The following C6orf132 variants were observed in gnomAD, a reference collection of about 807,000 sequenced individuals.
C6orf132 encodes the protein uncharacterized protein C6orf132.
In C6orf132, 43 loss-of-function variants were observed where a neutral mutation model predicts 65.3. The observed-to-expected ratio is 0.66, with a 90% confidence interval of 0.52 to 0.85. C6orf132 has a LOEUF of 0.85. Among genes scored for constraint, C6orf132 ranks in the 40% least tolerant of loss-of-function variants. C6orf132 has a pLI of 0.00. For missense variants in C6orf132, 1,488 were observed against 1,548.8 expected, an observed-to-expected ratio of 0.96 and a Z score of 0.66; for synonymous variants, 631 against 654.1, an observed-to-expected ratio of 0.96 and a Z score of 0.54.
At chr6:42,112,150 TCTAA>T (rs770914868) in intron 2 of C6orf132, among the ~76,000 whole-genome samples, 2 of 152,224 alleles carry the variant, frequency 1.3e-5, no homozygotes, top group Non-Finnish European at 2.9e-5. Context: ...TGCACTGTGC[TCTAA>T]CTAAACACAT....
At position 42,104,004 on chromosome 6, in the gene C6orf132, G is replaced by A; in HGVS notation, c.3450-126C>T. 1.6e-6 allele frequency: 1 copy of A among 642,624 alleles called. No homozygotes were observed. Among genetic ancestry groups the A allele is most frequent in the Admixed American group, 4.2e-5 (1 of 23,746 alleles). The allele number at this position is 642,624 out of a possible 1,614,324, so 39.8% of individuals were successfully genotyped here. ...TTCTGTATTTGCCCCGACAAGCCCT[G>A]GGCTTATCGACCCCAGGGAGGGACC... is the stretch of plus-strand genomic sequence containing the variant. On this transcript the variant is annotated intron_variant, in intron 4 of 4. Transcript: ENST00000341865. The surrounding 1 kb of genome is among the most constrained non-coding windows in gnomAD (Gnocchi z 4.1).
chr6:42,142,565 T>A lies in C6orf132; in HGVS notation c.-121A>T. On this transcript the variant is annotated 5_prime_UTR_variant, in exon 1 of 5. Coordinates refer to ENST00000341865, the MANE Select transcript of C6orf132 (RefSeq NM_001164446.3). ...TACCAGGCCATGTCCCCCGCCGTCC[T>A]CCCCGCCCGCGCACCGGGCAACAGG... 7 of 463,858 alleles carry A rather than the reference T, an allele frequency of 1.5e-5. No homozygotes were observed. The highest frequency in any genetic ancestry group is 2.2e-5 in the Non-Finnish European group (7 of 320,880). 28.7% of individuals were successfully genotyped at this position (463,858 alleles called of 1,614,324 possible).
chr6:42,125,589 G>A (rs753995524), intron 2 of C6orf132, among the ~76,000 whole-genome samples: 8 of 152,174 alleles, frequency 5.3e-5, no homozygotes, highest in Admixed American at 1.3e-4. Context: ...TTCAGCCGTC[G>A]GTTCACCATG....
rs1213599147 is a variant in C6orf132, at chr6:42,107,081, C to T, written c.831G>A (p.Pro277=). The T allele has an allele frequency of 7.5e-6, 11 of 1,468,204 alleles. No homozygotes were observed. The highest frequency in any genetic ancestry group is 1.4e-5 in the African/African-American group (1 of 69,646). The allele number at this position is 1,468,204 out of a possible 1,614,324, so 90.9% of individuals were successfully genotyped here. ...TCCCCTTTGGCTCAGCAGGGCTTCT[C>T]GGGGGGCTGGCTCTGGTGGCCTCTG... ...RQAEATRASP[P]RSPAEPKGSA... The change falls in exon 4 of 5, where the codon CCG becomes CCA. Residue 277 remains proline (P), a synonymous_variant. Transcript: ENST00000341865.
intron 2 of C6orf132, among the ~76,000 whole-genome samples, chr6:42,110,673 A>G (rs147798108): frequency 1.3e-5 from 2 of 152,312 alleles, no homozygotes; most frequent in African/African-American, 4.8e-5. Context: ...ATTTTAATAT[A>G]TTTTGTTGGT....
rs62415902 is a variant in C6orf132, at chr6:42,114,596, G to A, written c.253-4305C>T. Among the ~76,000 whole-genome samples, 4 of 152,224 alleles carry A rather than the reference G, an allele frequency of 2.6e-5. No individual in the cohort carries two copies. In the East Asian group the frequency reaches 7.7e-4, roughly 29 times the overall value. On this transcript the variant is annotated intron_variant, in intron 2 of 4. Coordinates refer to ENST00000341865, the MANE Select transcript of C6orf132 (RefSeq NM_001164446.3). ...GGCATCAAGTGCACTGGCGTGGATG[G>A]TGACATATTTCAGTGTGCAAATGCA... is the stretch of plus-strand genomic sequence containing the variant.
Position 42,106,697 on chromosome 6 carries a change from G to T in C6orf132, c.1215C>A (p.Pro405=). 7.1e-7 allele frequency: 1 copy of T among 1,405,928 alleles called. No homozygotes were observed. The highest frequency in any genetic ancestry group is 2.6e-5 in the East Asian group (1 of 37,748). 87.1% of individuals were successfully genotyped at this position (1,405,928 alleles called of 1,614,324 possible). A position where few individuals can be genotyped will look rare whatever the true frequency, so the allele number is the denominator to read the frequency against. The change falls in exon 4 of 5, where the codon CCC becomes CCA. Residue 405 remains proline (P), a synonymous_variant. Coordinates refer to ENST00000341865, the MANE Select transcript of C6orf132 (RefSeq NM_001164446.3). ...CAGCTGGGGGAAGTGGGGGTGCTGG[G>T]GGAGGGAGGGGGGGTGCAGGAGGGG... ...PLPPPAPPLP[P]PAPPLPPAAP...
At chr6:42,128,074 G>A (rs1179706157) in intron 2 of C6orf132, among the ~76,000 whole-genome samples, 2 of 150,318 alleles carry the variant, frequency 1.3e-5, no homozygotes, top group East Asian at 3.9e-4. Flanking sequence ...ACAGGTGCTT[G>A]CCACTACACC....
intron 1 of C6orf132, among the ~76,000 whole-genome samples, chr6:42,136,992 G>A (rs1415880171): frequency 6.6e-6 from 1 of 152,154 alleles, no homozygotes; most frequent in African/African-American, 2.4e-5. Context: ...CAGAACTTGT[G>A]AGAAATGCTG....
chr6:42,107,059 C>T lies in C6orf132; in HGVS notation c.853G>A (p.Gly285Arg), dbSNP rs1766423416. The change falls in exon 4 of 5, where the codon GGG becomes AGG. Residue 285 changes from glycine to arginine, a missense_variant. Transcript: ENST00000341865. ...TCTGGGTTAGGTCCCAGGGCGCTCC[C>T]CTTTGGCTCAGCAGGGCTTCTCGGG... ...SPPRSPAEPK[G>R]SALGPNPEPH... 1 of 1,496,892 alleles carries T rather than the reference C, an allele frequency of 6.7e-7. No homozygotes were observed. Among genetic ancestry groups the T allele is most frequent in the Admixed American group, 2.2e-5 (1 of 45,786 alleles). The allele number at this position is 1,496,892 out of a possible 1,614,324, so 92.7% of individuals were successfully genotyped here.
rs185450544 is a variant in C6orf132, at chr6:42,128,417, G to A, written c.252+255C>T. Among the ~76,000 whole-genome samples, 482 of 152,218 alleles carry A rather than the reference G, an allele frequency of 3.2e-3. 1 individual carries two copies. Among genetic ancestry groups the A allele is most frequent in the Non-Finnish European group, 5.9e-3 (401 of 68,010 alleles). ...CCCTGCTTGGCTGAGGGTACCCACTGCTGTATCACTCCTGCACACAAGTTC... is the reference window on the plus strand; with the variant it reads ...CCCTGCTTGGCTGAGGGTACCCACTACTGTATCACTCCTGCACACAAGTTC... On this transcript the variant is annotated intron_variant, in intron 2 of 4. Coordinates refer to ENST00000341865, the MANE Select transcript of C6orf132 (RefSeq NM_001164446.3).
Position 42,103,337 on chromosome 6 carries a change from C to T in C6orf132, c.*424G>A. 2.5e-6 allele frequency: 1 copy of T among 397,516 alleles called. No homozygotes were observed. 24.6% of individuals were successfully genotyped at this position (397,516 alleles called of 1,614,324 possible). A position where few individuals can be genotyped will look rare whatever the true frequency, so the allele number is the denominator to read the frequency against. On this transcript the variant is annotated 3_prime_UTR_variant, in exon 5 of 5. Coordinates refer to ENST00000341865, the MANE Select transcript of C6orf132 (RefSeq NM_001164446.3). The stretch of plus-strand genomic sequence containing the variant: ...GCCTCAGCCCTTTGCAAGGGCCTGA[C>T]AGGCAATCACAGCTATCTCGATGGG...
chr6:42,104,935 T>C lies in C6orf132; in HGVS notation c.2977A>G (p.Ser993Gly), dbSNP rs1434764221. 1.4e-6 allele frequency: 2 copies of C among 1,476,616 alleles called. No homozygotes were observed. The highest frequency in any genetic ancestry group is 2.5e-5 in the East Asian group (1 of 40,362). The allele number at this position is 1,476,616 out of a possible 1,614,324, so 91.5% of individuals were successfully genotyped here. ...FEVIPPPPEF[S>G]NDPEPPAPAL... ...GGGGCCGGGGGCTCAGGGTCATTGC[T>C]GAACTCTGGCGGCGGTGGGATGACC... is the stretch of plus-strand genomic sequence containing the variant. The change falls in exon 4 of 5, where the codon AGC becomes GGC. Residue 993 changes from serine to glycine, a missense_variant. Physicochemically the swap from Ser to Gly is moderately conservative, Grantham distance 56 (BLOSUM62 0). Coordinates refer to ENST00000341865, the MANE Select transcript of C6orf132 (RefSeq NM_001164446.3). This position sits in a 1 kb window ranked among gnomAD's most constrained non-coding sequence, Gnocchi z 4.1.
chr6:42,122,204 C>A (rs1766699434), intron 2 of C6orf132, among the ~76,000 whole-genome samples: 1 of 152,188 alleles, frequency 6.6e-6, no homozygotes, highest in African/African-American at 2.4e-5. Flanking sequence ...ACCCTTAGAC[C>A]CAGGTTACCA....
rs1318737055 is a variant in C6orf132, at chr6:42,103,310, G to C, written c.*451C>G. The C allele has an allele frequency of 7.5e-6, 3 of 397,470 alleles. No individual in the cohort carries two copies. The highest frequency in any genetic ancestry group is 6.2e-5 in the African/African-American group (3 of 48,582). The allele number at this position is 397,470 out of a possible 1,614,324, so 24.6% of individuals were successfully genotyped here. A position where few individuals can be genotyped will look rare whatever the true frequency, so the allele number is the denominator to read the frequency against. On this transcript the variant is annotated 3_prime_UTR_variant, in exon 5 of 5. Coordinates refer to ENST00000341865, the MANE Select transcript of C6orf132 (RefSeq NM_001164446.3). ...CCCTGCACACCCACCAGACAGAGCT[G>C]GGCCTCAGCCCTTTGCAAGGGCCTG...
chr6:42,117,923 C>CAAAAAAAAAAAAAAAAAAAAAA (rs556142891), intron 2 of C6orf132, among the ~76,000 whole-genome samples: 2 of 62,320 alleles, frequency 3.2e-5, no homozygotes, highest in African/African-American at 6.0e-5. Context: ...AACCCTGTCA[C>CAAAAAAAAAAAAAAAAAAAAAA]AAAAAAAAAA....
In C6orf132 at chr6:42,106,715, A is replaced by T; in HGVS notation, c.1197T>A (p.Pro399=). 1.1e-5 allele frequency: 3 copies of T among 280,640 alleles called. No homozygotes were observed. The highest frequency in any genetic ancestry group is 1.4e-5 in the Non-Finnish European group (3 of 217,156). The allele number at this position is 280,640 out of a possible 1,614,324, so 17.4% of individuals were successfully genotyped here. A position where few individuals can be genotyped will look rare whatever the true frequency, so the allele number is the denominator to read the frequency against. ...GTGCTGGGGGAGGGAGGGGGGGTGC[A>T]GGAGGGGGCAGGGGAGGGGCTGGAG... is the stretch of plus-strand genomic sequence containing the variant. ...TPPPAPPLPP[P]APPLPPPAPP... is the part of the protein sequence containing the mutation. Residue 399 remains proline (P), a synonymous_variant, in exon 4 of 5, where the codon CCT becomes CCA. Transcript: ENST00000341865.
chr6:42,129,026 C>A (rs1766812870), intron 1 of C6orf132, among the ~76,000 whole-genome samples: 1 of 152,244 alleles, frequency 6.6e-6, no homozygotes, highest in Non-Finnish European at 1.5e-5. Context: ...GCAGCCATCT[C>A]TCTCCCAATC....
chr6:42,119,366 A>C (rs1766643257), intron 2 of C6orf132, among the ~76,000 whole-genome samples: 1 of 84,046 alleles, frequency 1.2e-5, no homozygotes, highest in Non-Finnish European at 2.2e-5. Context: ...TTTTTTTGAG[A>C]CAGAGTCTCA....
Sources: gnomAD v4.1 joint callset for allele counts (sites outside exome capture counted in the v4.1 genomes callset) on GRCh38, gnomAD v4.1.1 for gene constraint, Gnocchi (gnomAD v3.1) non-coding constraint, MANE v1.5 for transcripts, NCBI Gene and HGNC (gene_info 2026-07-23, HGNC 2026-07-21) for gene names.